SORCS3: variants seen among roughly 807,000 people sequenced by gnomAD.
The protein encoded by SORCS3 is sortilin related VPS10 domain containing receptor 3.
A neutral mutation model predicts 146.3 loss-of-function variants in SORCS3; 57 were observed. The ratio of observed to expected loss-of-function variants is 0.39; its 90% confidence interval spans 0.31 to 0.49. The LOEUF (loss-of-function observed/expected upper bound fraction) is 0.49, where lower values mean the gene tolerates loss of function less well. Among genes scored for constraint, SORCS3 ranks in the 20% least tolerant of loss-of-function variants. The probability of loss-of-function intolerance (pLI) is 0.92; values close to 1 mark genes in which losing one functional copy is unlikely to be tolerated. For missense variants in SORCS3, 1,341 were observed against 1,575.5 expected, an observed-to-expected ratio of 0.85 and a Z score of 2.52; for synonymous variants, 653 against 618.5, an observed-to-expected ratio of 1.06 and a Z score of -0.83.
chr10:105,242,636 A>G (rs1198791334), intron 20 of SORCS3, among the ~76,000 whole-genome samples: 8 of 102,720 alleles, frequency 7.8e-5, no homozygotes, highest in African/African-American at 3.2e-4. Flanking sequence ...ATTTATATAC[A>G]TTTATATATA....
At chr10:105,228,364 CTT>C (rs1156429499) in intron 20 of SORCS3, among the ~76,000 whole-genome samples, 1 of 151,002 alleles carries the variant, frequency 6.6e-6, no homozygotes, top group Non-Finnish European at 1.5e-5. Context: ...CCCTTTCTTT[CTT>C]TCTCTCTTTT....
At chr10:104,979,666 G>A (rs1448439704) in intron 4 of SORCS3, among the ~76,000 whole-genome samples, 1 of 152,050 alleles carries the variant, frequency 6.6e-6, no homozygotes, top group Admixed American at 6.6e-5. Context: ...CCTCATGGTG[G>A]GTGCCAGGTG....
chr10:104,928,897 A>C (rs1220351003), intron 3 of SORCS3, among the ~76,000 whole-genome samples: 1 of 152,228 alleles, frequency 6.6e-6, no homozygotes, highest in Non-Finnish European at 1.5e-5. Flanking sequence ...CACAGCATGA[A>C]TCTAACTCTG....
intron 9 of SORCS3, among the ~76,000 whole-genome samples, chr10:105,152,617 A>G (rs1021990083): frequency 8.5e-5 from 13 of 152,346 alleles, no homozygotes; most frequent in Non-Finnish European, 1.5e-4. Flanking sequence ...AAGTTTGCCA[A>G]TAACTGAAAT....
intron 1 of SORCS3, among the ~76,000 whole-genome samples, chr10:104,758,162 A>G (rs772401282): frequency 2.0e-5 from 3 of 152,160 alleles, no homozygotes; most frequent in Non-Finnish European, 4.4e-5. Flanking sequence ...TTTCGAGGCA[A>G]GGAAAATTCT....
intron 1 of SORCS3, among the ~76,000 whole-genome samples, chr10:104,829,003 A>G (rs1371661041): frequency 6.6e-6 from 1 of 152,144 alleles, no homozygotes; most frequent in East Asian, 1.9e-4. Context: ...TCCATCTCTT[A>G]TGATCTCATC....
At chr10:104,964,515 G>A (rs185729490) in intron 3 of SORCS3, among the ~76,000 whole-genome samples, 137 of 152,188 alleles carry the variant, frequency 9.0e-4, no homozygotes, top group Admixed American at 7.7e-3. Context: ...AGCTCTATGA[G>A]GGAAAGTATT....
intron 1 of SORCS3, among the ~76,000 whole-genome samples, chr10:104,804,903 C>T (rs2017664418): frequency 6.6e-6 from 1 of 152,202 alleles, no homozygotes. Context: ...TAGCTAGATA[C>T]TCTGAGGTTT....
intron 2 of SORCS3, among the ~76,000 whole-genome samples, 176 bp from the exon 3 acceptor site, chr10:104,915,657 C>A (rs7089135): frequency 0.049 from 7,520 of 152,242 alleles, 224 homozygotes; most frequent in East Asian, 0.14. Flanking sequence ...AGGTAGTAAG[C>A]AGGTGCATTA....
intron 19 of SORCS3, among the ~76,000 whole-genome samples, chr10:105,221,017 C>T (rs7078451): frequency 0.23 from 35,383 of 152,032 alleles, 4,081 homozygotes; most frequent in South Asian, 0.3. Context: ...CAAGGCAGAG[C>T]GCTTTAGGCA....
At chr10:104,891,726 A>G (rs565792798) in intron 2 of SORCS3, among the ~76,000 whole-genome samples, 58 of 152,246 alleles carry the variant, frequency 3.8e-4, no homozygotes, top group African/African-American at 1.1e-3. Context: ...AGAAGTACCT[A>G]TGCTTTATTT....
chr10:104,744,530 C>T (rs951991591), intron 1 of SORCS3, among the ~76,000 whole-genome samples: 2 of 152,228 alleles, frequency 1.3e-5, no homozygotes, highest in Non-Finnish European at 2.9e-5. Flanking sequence ...ATTATCTCCA[C>T]TGTTACAATG....
intron 19 of SORCS3, among the ~76,000 whole-genome samples, chr10:105,218,311 T>C (rs1355491986): frequency 1.3e-5 from 2 of 152,250 alleles, no homozygotes; most frequent in African/African-American, 4.8e-5. Context: ...GACTGCTACC[T>C]TGCCTCGTGG....
chr10:104,835,566 C>A (rs529809837), intron 1 of SORCS3, among the ~76,000 whole-genome samples: 1 of 152,182 alleles, frequency 6.6e-6, no homozygotes, highest in Admixed American at 6.6e-5. Flanking sequence ...CAGGCCAGAG[C>A]GTCCTAGTGA....
At chr10:105,247,378 A>G in intron 22 of SORCS3, 47 bp downstream of exon 22, 7 of 1,067,674 alleles carry the variant, frequency 6.6e-6, no homozygotes, top group Non-Finnish European at 1.0e-5. Flanking sequence ...TAAAGAAAAG[A>G]ACTAGATGGT....
intron 4 of SORCS3, among the ~76,000 whole-genome samples, chr10:105,018,242 A>G (rs771875934): frequency 4.6e-5 from 7 of 152,200 alleles, no homozygotes; most frequent in Non-Finnish European, 8.8e-5. Flanking sequence ...GATGGCTGCT[A>G]TCAACTCCAT....
intron 2 of SORCS3, among the ~76,000 whole-genome samples, chr10:104,858,086 T>A (rs2018354992): frequency 6.6e-6 from 1 of 152,220 alleles, no homozygotes; most frequent in South Asian, 2.1e-4. Context: ...AATGAGACAA[T>A]GAGTTTCCAA....
intron 22 of SORCS3, among the ~76,000 whole-genome samples, chr10:105,250,716 G>T (rs2056893531): frequency 6.6e-6 from 1 of 152,074 alleles, no homozygotes; most frequent in Non-Finnish European, 1.5e-5. Context: ...TTATGGACTT[G>T]GGCATTAGGA....
intron 2 of SORCS3, among the ~76,000 whole-genome samples, chr10:104,886,212 T>C (rs559162439): frequency 6.6e-6 from 1 of 152,270 alleles, no homozygotes; most frequent in Admixed American, 6.5e-5. Flanking sequence ...GGTGGAGGCT[T>C]TTATTTTGGG....
Sources: gnomAD v4.1 joint callset for allele counts (sites outside exome capture counted in the v4.1 genomes callset) on GRCh38, gnomAD v4.1.1 for gene constraint, MANE v1.5 for transcripts, NCBI Gene and HGNC (gene_info 2026-07-23, HGNC 2026-07-21) for gene names.